USP35: variants seen among roughly 807,000 people sequenced by gnomAD.
The protein encoded by USP35 is ubiquitin specific peptidase 35.
In USP35, 69 loss-of-function variants were observed where a neutral mutation model predicts 83.8. That is an observed-to-expected ratio of 0.82 (90% CI 0.68 to 1.01). USP35 has a LOEUF of 1.01. USP35 is among the 50% of genes least tolerant of loss of function. The probability of loss-of-function intolerance (pLI) is 0.00; values close to 1 mark genes in which losing one functional copy is unlikely to be tolerated. For synonymous variants in USP35, 714 were observed against 589.5 expected (o/e 1.21, Z -3.06); for missense variants, 1,503 against 1,362.5 (o/e 1.10, Z -1.62).
intron 8 of USP35, 109 bp from the exon 9 acceptor site, chr11:78,208,748 G>T (rs1863614028): frequency 1.6e-6 from 2 of 1,215,834 alleles, no homozygotes; most frequent in African/African-American, 1.5e-5. Context: ...AGGAGGCCAG[G>T]AAGTTTGAGG....
chr11:78,234,409 C>T, the USP35 span, among the ~76,000 whole-genome samples: 19 of 152,046 alleles, frequency 1.2e-4, no homozygotes, highest in Non-Finnish European at 2.6e-4. Context: ...TTAGATTTTA[C>T]ATTTATGTCT....
the USP35 span, chr11:78,221,576 C>T: frequency 1.6e-6 from 1 of 635,084 alleles, no homozygotes; most frequent in South Asian, 2.1e-5. Context: ...ACAAGGAGTC[C>T]CTGGGCTGAG....
At chr11:78,225,470 A>C in the USP35 span, among the ~76,000 whole-genome samples, 2 of 152,152 alleles carry the variant, frequency 1.3e-5, no homozygotes, top group Non-Finnish European at 2.9e-5. Flanking sequence ...TTTGACTCCT[A>C]CACCACTCAC....
chr11:78,207,630 G>T lies in USP35; in HGVS notation c.1485+7G>T. 2 of 1,613,614 alleles carry T rather than the reference G, an allele frequency of 1.2e-6. No homozygotes were observed. The highest frequency in any genetic ancestry group is 1.7e-6 in the Non-Finnish European group (2 of 1,179,874). ...CTTCCTAGAACACAGCCAGGTGAGT[G>T]TAGGGGCAGTCAGAGGGGGGTGGAG... is the stretch of plus-strand genomic sequence containing the variant. On this transcript the variant is annotated splice_region_variant and intron_variant, in intron 8 of 10. Coordinates refer to ENST00000529308, the MANE Select transcript of USP35 (RefSeq NM_020798.4).
In USP35 at chr11:78,214,234, A is replaced by AGAGAGGCGGGGGGG. The variant is rs1275222810; in HGVS notation, c.*422_*423insAGAGGCGGGGGGGG. ...ACAGCAGGATCCAAGCCTTGCACAA[A>AGAGAGGCGGGGGGG]GGGGTGGGGGGGGCAGTGTCTCCTC... On this transcript the variant is annotated 3_prime_UTR_variant, in exon 11 of 11. Transcript: ENST00000529308. 5 of 96,200 alleles carry AGAGAGGCGGGGGGG rather than the reference A, an allele frequency of 5.2e-5. No homozygotes were observed. Among genetic ancestry groups the AGAGAGGCGGGGGGG allele is most frequent in the African/African-American group, 2.5e-4 (5 of 19,654 alleles). 6.0% of individuals were successfully genotyped at this position (96,200 alleles called of 1,614,324 possible).
the USP35 span, chr11:78,221,804 A>G: frequency 6.6e-7 from 1 of 1,525,796 alleles, no homozygotes; most frequent in South Asian, 1.1e-5. Context: ...AAGAGTTAAC[A>G]CTGGGGAAGC....
chr11:78,210,896 A>G, intron 10 of USP35, 152 bp downstream of exon 10: 5 of 745,624 alleles, frequency 6.7e-6, no homozygotes, highest in South Asian at 2.5e-5. Context: ...TGGCCCAGAC[A>G]GACCTAACCC....
At chr11:78,199,416 C>T in intron 3 of USP35, 179 bp from the exon 4 acceptor site, 1 of 885,466 alleles carries the variant, frequency 1.1e-6, no homozygotes, top group Non-Finnish European at 1.7e-6. Context: ...TGGCAGGTGG[C>T]TGTGCTGGGC....
intron 10 of USP35, among the ~76,000 whole-genome samples, chr11:78,213,361 C>T (rs372080672): frequency 2.6e-5 from 4 of 152,146 alleles, no homozygotes; most frequent in East Asian, 1.9e-4. Context: ...ATATGACCCT[C>T]GAAGTCCTCA....
chr11:78,210,167 C>T lies in USP35; in HGVS notation c.2312C>T (p.Pro771Leu). The T allele has an allele frequency of 6.2e-7, 1 of 1,613,810 alleles. No individual in the cohort carries two copies. Among genetic ancestry groups the T allele is most frequent in the Non-Finnish European group, 8.5e-7 (1 of 1,179,914 alleles). ...VLDLVNYFLS[P>L]EKLTAENRYY... ...GACCTGGTTAACTACTTCCTGTCCCCCGAGAAGCTGACAGCAGAAAACCGC... is the reference window on the plus strand; with the variant it reads ...GACCTGGTTAACTACTTCCTGTCCCTCGAGAAGCTGACAGCAGAAAACCGC... Residue 771 changes from proline to leucine, a missense_variant, in exon 10 of 11, where the codon CCC (proline) becomes CTC (leucine). By Grantham distance (98) the Pro-to-Leu change is moderately conservative. Coordinates refer to ENST00000529308, the MANE Select transcript of USP35 (RefSeq NM_020798.4).
At chr11:78,202,899 C>T (rs962493178) in intron 6 of USP35, among the ~76,000 whole-genome samples, 1 of 152,160 alleles carries the variant, frequency 6.6e-6, no homozygotes, top group Non-Finnish European at 1.5e-5. Context: ...TGGGCAGGAA[C>T]CCTGTCCTTT....
chr11:78,213,992 T>G lies in USP35; in HGVS notation c.*179T>G. On this transcript the variant is annotated 3_prime_UTR_variant, in exon 11 of 11. Coordinates refer to ENST00000529308, the MANE Select transcript of USP35 (RefSeq NM_020798.4). Reference sequence around the variant, plus strand: ...TATGGAAGTAAGACCTAAGTCCCTTTCATTGGGGATCAGTCCCATTAAAAC... The same window carrying G: ...TATGGAAGTAAGACCTAAGTCCCTTGCATTGGGGATCAGTCCCATTAAAAC... 1.6e-6 allele frequency: 1 copy of G among 633,502 alleles called. No homozygotes were observed. Among genetic ancestry groups the G allele is most frequent in the Non-Finnish European group, 2.4e-6 (1 of 415,106 alleles). The allele number at this position is 633,502 out of a possible 1,614,324, so 39.2% of individuals were successfully genotyped here. A position where few individuals can be genotyped will look rare whatever the true frequency, so the allele number is the denominator to read the frequency against.
chr11:78,220,285 G>C, the USP35 span: 43 of 1,610,514 alleles, frequency 2.7e-5, no homozygotes, highest in African/African-American at 4.4e-4. Context: ...GACCCTGAGA[G>C]CTCTTACTGC....
chr11:78,214,102 T>C lies in USP35; in HGVS notation c.*289T>C. 3.1e-6 allele frequency: 1 copy of C among 326,274 alleles called. No individual in the cohort carries two copies. The highest frequency in any genetic ancestry group is 5.6e-6 in the Non-Finnish European group (1 of 179,848). 20.2% of individuals were successfully genotyped at this position (326,274 alleles called of 1,614,324 possible). On this transcript the variant is annotated 3_prime_UTR_variant, in exon 11 of 11. Coordinates refer to ENST00000529308, the MANE Select transcript of USP35 (RefSeq NM_020798.4). ...GCCTCCCCCTCCTTCCCTAGCAGGC[T>C]CCCCATGCGGGAAGATCTGATGATG... is the stretch of plus-strand genomic sequence containing the variant.
intron 1 of USP35, among the ~76,000 whole-genome samples, chr11:78,195,609 C>T (rs999158928): frequency 6.6e-6 from 1 of 152,302 alleles, no homozygotes; most frequent in South Asian, 2.1e-4. Flanking sequence ...CTGCTCTTAC[C>T]TGCCCTGAGA....
rs959956959 is a variant in USP35, at chr11:78,214,478, C to A, written c.*665C>A. On this transcript the variant is annotated 3_prime_UTR_variant, in exon 11 of 11. Coordinates refer to ENST00000529308, the MANE Select transcript of USP35 (RefSeq NM_020798.4). ...GGCCTGAGAAGCCACCACTTGTATC[C>A]CCCTTGTGGTTAGAGTCCTGATTTT... 2.7e-5 allele frequency: 4 copies of A among 147,600 alleles called. No individual in the cohort carries two copies. The highest frequency in any genetic ancestry group is 1.0e-4 in the African/African-American group (4 of 39,180). The allele number at this position is 147,600 out of a possible 1,614,324, so 9.1% of individuals were successfully genotyped here.
the USP35 span, among the ~76,000 whole-genome samples, chr11:78,234,212 A>C: frequency 6.6e-5 from 10 of 152,152 alleles, no homozygotes; most frequent in Admixed American, 2.0e-4. Flanking sequence ...CCTGCTGAGT[A>C]GCTGGGAATG....
At chr11:78,190,226 C>G (rs117823539) in intron 1 of USP35, among the ~76,000 whole-genome samples, 4 of 152,196 alleles carry the variant, frequency 2.6e-5, no homozygotes, top group Non-Finnish European at 5.9e-5. Context: ...GAAGGCTAAC[C>G]AGGAACAGAT....
At chr11:78,226,945 C>G in the USP35 span, 2 of 1,613,732 alleles carry the variant, frequency 1.2e-6, no homozygotes, top group Non-Finnish European at 1.7e-6. Context: ...TGGACTTGAC[C>G]ACTGATCCCG....
Sources: allele counts gnomAD v4.1 joint callset (sites outside exome capture counted in the v4.1 genomes callset), GRCh38; gene constraint gnomAD v4.1.1; transcripts MANE v1.5; gene names NCBI Gene and HGNC (gene_info 2026-07-23, HGNC 2026-07-21).